Variants in CCPG1 observed in about 807,000 individuals in gnomAD.
CCPG1 encodes the protein cell cycle progression 1.
A neutral mutation model predicts 81.3 loss-of-function variants in CCPG1; 46 were observed. That is an observed-to-expected ratio of 0.57 (90% CI 0.45 to 0.72). The LOEUF (loss-of-function observed/expected upper bound fraction) is 0.72, where lower values mean the gene tolerates loss of function less well. Among genes scored for constraint, CCPG1 ranks in the 30% least tolerant of loss-of-function variants. The pLI, the probability that CCPG1 is intolerant of heterozygous loss-of-function variation, is 0.00. For synonymous variants in CCPG1, 330 were observed against 305.2 expected (o/e 1.08, Z -0.85); for missense variants, 902 against 937.6 (o/e 0.96, Z 0.50).
rs534517294 is a variant in CCPG1, at chr15:55,373,063, G to A, written c.455-1019C>T. On this transcript the variant is annotated intron_variant, in intron 5 of 8. Coordinates refer to ENST00000442196, the MANE Select transcript of CCPG1 (RefSeq NM_001204450.2). ...CGATATTAAGGACTATTCTGGTGCTGCTCCTTTATGAAAATAATAGTAGAG... is the reference window on the plus strand; with the variant it reads ...CGATATTAAGGACTATTCTGGTGCTACTCCTTTATGAAAATAATAGTAGAG... 2.7e-5 allele frequency: 14 copies of A among 525,242 alleles called. No individual in the cohort carries two copies. In the East Asian group the frequency reaches 7.8e-4, roughly 29 times the overall value. 32.5% of individuals were successfully genotyped at this position (525,242 alleles called of 1,614,324 possible). A position where few individuals can be genotyped will look rare whatever the true frequency, so the allele number is the denominator to read the frequency against.
chr15:55,397,085 G>A (rs775442987), intron 1 of CCPG1, among the ~76,000 whole-genome samples: 12 of 152,074 alleles, frequency 7.9e-5, no homozygotes, highest in Non-Finnish European at 1.6e-4. Flanking sequence ...GTGGTAGCGG[G>A]CGCCTGTAGT....
In CCPG1 at chr15:55,378,307, G is replaced by T; in HGVS notation, c.245C>A (p.Thr82Lys). ...AYPALEETSS[T>K]IEAEEQKIPE... ...TGTAAAATACAAGTTTACCTCAATT[G>T]TTGAGCTGGTTTCCTCCAAAGCTGG... Residue 82 changes from threonine to lysine, a missense_variant, in exon 4 of 9, where the codon ACA (threonine) becomes AAA (lysine). Thr to Lys is a moderately conservative substitution (Grantham distance 78). Around this residue, in one of 3 missense-constraint regions of CCPG1, gnomAD observed 746 missense variants for 728.6 expected, o/e 1.02. Coordinates refer to ENST00000442196, the MANE Select transcript of CCPG1 (RefSeq NM_001204450.2). 6.2e-7 allele frequency: 1 copy of T among 1,604,288 alleles called. No individual in the cohort carries two copies. The highest frequency in any genetic ancestry group is 8.5e-7 in the Non-Finnish European group (1 of 1,172,202).
intron 3 of CCPG1, among the ~76,000 whole-genome samples, chr15:55,382,042 G>T (rs1308681506): frequency 6.6e-6 from 1 of 152,192 alleles, no homozygotes; most frequent in East Asian, 1.9e-4. Flanking sequence ...GCTAAAAAGT[G>T]CTAGTGATCA....
At chr15:55,357,876 G>C (rs1438435925) in intron 8 of CCPG1, 1 of 152,138 alleles carries the variant, frequency 6.6e-6, no homozygotes, top group Non-Finnish European at 1.5e-5. Context: ...TAATTCATAA[G>C]TTTTCAATTA....
intron 1 of CCPG1, among the ~76,000 whole-genome samples, chr15:55,393,582 C>T (rs181933136): frequency 2.0e-5 from 3 of 151,980 alleles, no homozygotes; most frequent in Admixed American, 6.6e-5. Flanking sequence ...TAGAAGATAG[C>T]GGGAAGGGTT....
intron 7 of CCPG1, among the ~76,000 whole-genome samples, chr15:55,364,382 A>T (rs570265245): frequency 6.7e-6 from 1 of 149,972 alleles, no homozygotes; most frequent in South Asian, 2.2e-4. Context: ...TAAAACCAAA[A>T]CTCTCCTCTT....
chr15:55,355,295 G>A lies in CCPG1; in HGVS notation c.*925C>T, dbSNP rs781259075. 1.7e-5 allele frequency: 27 copies of A among 1,605,892 alleles called. No homozygotes were observed. The highest frequency in any genetic ancestry group is 2.0e-5 in the Non-Finnish European group (24 of 1,175,152). On this transcript the variant is annotated 3_prime_UTR_variant, in exon 9 of 9. Coordinates refer to ENST00000442196, the MANE Select transcript of CCPG1 (RefSeq NM_001204450.2). ...ATTTATTTGCTTCTAGGAAATAAGC[G>A]CTTTCCTAATTTCAAGCAATTATAA...
At chr15:55,358,259 G>T in intron 8 of CCPG1, 4 of 518,334 alleles carry the variant, frequency 7.7e-6, no homozygotes, top group Non-Finnish European at 9.9e-6. Context: ...TTGTAAAGAA[G>T]GAAAAAGAAA....
intron 8 of CCPG1, chr15:55,359,204 A>C: frequency 1.0e-6 from 1 of 1,004,894 alleles, no homozygotes; most frequent in African/African-American, 1.7e-5. Context: ...ATTAAAGGAA[A>C]ATAATTTCAC....
At chr15:55,366,591 G>A (rs983434150) in intron 6 of CCPG1, among the ~76,000 whole-genome samples, 4 of 152,100 alleles carry the variant, frequency 2.6e-5, no homozygotes, top group Non-Finnish European at 4.4e-5. Flanking sequence ...GACCAACATG[G>A]AGAAACCCTG....
chr15:55,364,570 A>G (rs2141251256), intron 7 of CCPG1, among the ~76,000 whole-genome samples: 1 of 151,002 alleles, frequency 6.6e-6, no homozygotes, highest in East Asian at 2.0e-4. Flanking sequence ...CAAACAAAAC[A>G]AAACAAAACA....
At chr15:55,374,089 G>C in intron 5 of CCPG1, 1 of 896,834 alleles carries the variant, frequency 1.1e-6, no homozygotes, top group Non-Finnish European at 1.6e-6. Flanking sequence ...TAAAGCACTC[G>C]GTAAATAGTA....
intron 1 of CCPG1, among the ~76,000 whole-genome samples, chr15:55,393,282 A>T (rs966590803): frequency 2.0e-5 from 3 of 152,038 alleles, no homozygotes; most frequent in African/African-American, 4.8e-5. Flanking sequence ...ACCAAAAAAA[A>T]TTTTTTAATC....
At chr15:55,364,818 A>G (rs1002878722) in intron 7 of CCPG1, among the ~76,000 whole-genome samples, 1 of 151,792 alleles carries the variant, frequency 6.6e-6, no homozygotes, top group Admixed American at 6.6e-5. Flanking sequence ...AGTTGCAGCA[A>G]CCTGAGGTTG....
At chr15:55,398,105 T>C (rs2057057183) in intron 1 of CCPG1, 1 of 152,134 alleles carries the variant, frequency 6.6e-6, no homozygotes, top group Non-Finnish European at 1.5e-5. Flanking sequence ...AGGGGAGAGT[T>C]AGAGGCTAAA....
intron 6 of CCPG1, among the ~76,000 whole-genome samples, chr15:55,369,088 G>A (rs1207626284): frequency 1.3e-5 from 2 of 151,710 alleles, no homozygotes; most frequent in East Asian, 3.9e-4. Flanking sequence ...CTCCAGCCTG[G>A]GGAACAGAGC....
At chr15:55,404,539 A>G (rs192828731) in intron 1 of CCPG1, among the ~76,000 whole-genome samples, 90 of 152,350 alleles carry the variant, frequency 5.9e-4, no homozygotes, top group Non-Finnish European at 8.1e-4. Context: ...ACGTGATTCA[A>G]TGTTGACAAG....
At chr15:55,377,499 A>G (rs771000489) in intron 4 of CCPG1, among the ~76,000 whole-genome samples, 13 of 152,242 alleles carry the variant, frequency 8.5e-5, no homozygotes, top group Non-Finnish European at 1.5e-4. Flanking sequence ...TGGAAGCCCA[A>G]AAAAGACTCA....
At chr15:55,384,714 A>G (rs562195657) in intron 3 of CCPG1, among the ~76,000 whole-genome samples, 1 of 152,140 alleles carries the variant, frequency 6.6e-6, no homozygotes, top group Non-Finnish European at 1.5e-5. Context: ...AAAATGAGAC[A>G]CAGAGACATG....
Sources: allele counts gnomAD v4.1 joint callset (sites outside exome capture counted in the v4.1 genomes callset), GRCh38; gene constraint gnomAD v4.1.1; regional missense constraint gnomAD v4.1.1; transcripts MANE v1.5; gene names NCBI Gene and HGNC (gene_info 2026-07-23, HGNC 2026-07-21).